The following GREB1 variants were observed in gnomAD, a reference collection of about 807,000 sequenced individuals.
GREB1 encodes growth regulating estrogen receptor binding 1, also known as protein GREB1.
Under a neutral mutation model 200.7 loss-of-function variants are expected in GREB1, and 106 were observed. The observed-to-expected ratio is 0.53, with a 90% CI of 0.45 to 0.62. The LOEUF (loss-of-function observed/expected upper bound fraction) is 0.62, where lower values mean the gene tolerates loss of function less well. Among genes scored for constraint, GREB1 ranks in the 20% least tolerant of loss-of-function variants. The pLI, the probability that GREB1 is intolerant of heterozygous loss-of-function variation, is 0.00. For synonymous variants in GREB1, 1,132 were observed against 1,092.4 expected (o/e 1.04, Z -0.72); for missense variants, 2,243 against 2,556.8 (o/e 0.88, Z 2.65).
rs1007665739 is a variant in GREB1, at chr2:11,552,671, A to G, written c.-161-3783A>G. 2.0e-5 allele frequency among the ~76,000 whole-genome samples: 3 copies of G among 152,292 alleles called. No individual in the cohort carries two copies. In the South Asian group the frequency reaches 6.2e-4, roughly 32 times the overall value. ...AAGATAGAGCACTGCCATGGTATCTAGAAAGTCCCCACACTGTTTGGTTGT... is the reference window on the plus strand; with the variant it reads ...AAGATAGAGCACTGCCATGGTATCTGGAAAGTCCCCACACTGTTTGGTTGT... On this transcript the variant is annotated intron_variant, in intron 1 of 32. Coordinates refer to ENST00000381486, the MANE Select transcript of GREB1 (RefSeq NM_014668.4).
intron 1 of GREB1, among the ~76,000 whole-genome samples, chr2:11,518,818 G>T (rs951278681): frequency 2.0e-5 from 3 of 151,684 alleles, no homozygotes; most frequent in African/African-American, 7.3e-5. Flanking sequence ...AAAAAATCCC[G>T]CCAGGCGAGG....
intron 10 of GREB1, chr2:11,591,340 G>A: frequency 1.4e-6 from 1 of 725,614 alleles, no homozygotes; most frequent in East Asian, 2.6e-5. Context: ...CTGGTGCTGG[G>A]TAGAGCTGGG....
Position 11,550,717 on chromosome 2 carries a change from G to A in GREB1, c.-161-5737G>A, listed in dbSNP as rs118084471. ...CTTTCCAAATCTAGCCCTACTTCTC[G>A]TCTGCTTTGAAAATGCTAACTTTTG... On this transcript the variant is annotated intron_variant, in intron 1 of 32. Coordinates refer to ENST00000381486, the MANE Select transcript of GREB1 (RefSeq NM_014668.4). Among the ~76,000 whole-genome samples the A allele has an allele frequency of 9.2e-3, 1,394 of 152,230 alleles. 69 individuals are homozygous for A. Among genetic ancestry groups the A allele is most frequent in the Admixed American group, 0.076 (1,155 of 15,288 alleles).
chr2:11,584,147 A>G (rs915435792), intron 7 of GREB1, among the ~76,000 whole-genome samples: 2 of 152,192 alleles, frequency 1.3e-5, no homozygotes, highest in Non-Finnish European at 2.9e-5. Context: ...TTGCATCCAG[A>G]CAGAGTTTTA....
At chr2:11,497,218 G>A (rs1477098854) in intron 1 of GREB1, among the ~76,000 whole-genome samples, 1 of 152,206 alleles carries the variant, frequency 6.6e-6, no homozygotes, top group Admixed American at 6.5e-5. Flanking sequence ...TATATAGTAT[G>A]TGACCTTTTG....
rs966154745 is a variant in GREB1 at position 11,610,746 on chromosome 2, G to A, written c.2725G>A (p.Ala909Thr). The A allele has an allele frequency of 6.2e-7, 1 of 1,613,408 alleles. No individual in the cohort carries two copies. The highest frequency in any genetic ancestry group is 8.5e-7 in the Non-Finnish European group (1 of 1,180,014). Residue 909 changes from alanine to threonine, a missense_variant, in exon 18 of 33, where the codon GCC (alanine) becomes ACC (threonine). Transcript: ENST00000381486. The stretch of plus-strand genomic sequence containing the variant: ...CTTTGTTCTCGTGCAGCACTACGCG[G>A]CCGCCCTGATGGCCGTAAGCGGCCT... ...RTFVLVQHYA[A>T]ALMAVSGLPQ...
chr2:11,523,002 A>G (rs1279433036), intron 1 of GREB1, among the ~76,000 whole-genome samples: 1 of 152,352 alleles, frequency 6.6e-6, no homozygotes, highest in South Asian at 2.1e-4. Context: ...GACAGGATGG[A>G]TAAAGACAGT....
chr2:11,624,467 C>T (rs1358711521), intron 23 of GREB1, among the ~76,000 whole-genome samples: 1 of 151,854 alleles, frequency 6.6e-6, no homozygotes, highest in Non-Finnish European at 1.5e-5. Context: ...GCCTCAGCCT[C>T]CCGAGTAGCT....
intron 27 of GREB1, 108 bp downstream of exon 27, chr2:11,632,221 T>A: frequency 3.9e-6 from 3 of 769,664 alleles, no homozygotes; most frequent in Non-Finnish European, 6.4e-6. Flanking sequence ...CTTTTACTTT[T>A]GGACTTTTAA....
intron 1 of GREB1, among the ~76,000 whole-genome samples, chr2:11,516,256 A>G (rs1158107095): frequency 1.3e-5 from 2 of 151,892 alleles, no homozygotes; most frequent in African/African-American, 4.8e-5. Flanking sequence ...AGACTTGGGT[A>G]TCTTTCACTG....
intron 5 of GREB1, among the ~76,000 whole-genome samples, chr2:11,577,378 G>A (rs988990521): frequency 1.3e-5 from 2 of 152,196 alleles, no homozygotes; most frequent in Admixed American, 6.5e-5. Context: ...AGACAGCTTG[G>A]CTTGAACAAT....
chr2:11,610,041 C>T (rs1323552514), intron 17 of GREB1, among the ~76,000 whole-genome samples: 1 of 152,182 alleles, frequency 6.6e-6, no homozygotes, highest in Non-Finnish European at 1.5e-5. Flanking sequence ...GGGTCAGAGC[C>T]ACTCTAGGAG....
intron 1 of GREB1, among the ~76,000 whole-genome samples, chr2:11,519,840 T>C (rs559897795): frequency 6.6e-6 from 1 of 152,270 alleles, no homozygotes; most frequent in South Asian, 2.1e-4. Context: ...TGTTCACCAT[T>C]AAAAAATTAA....
intron 1 of GREB1, among the ~76,000 whole-genome samples, chr2:11,483,777 G>T (rs1372557642): frequency 6.7e-6 from 1 of 149,630 alleles, no homozygotes; most frequent in Non-Finnish European, 1.5e-5. Flanking sequence ...TGGGAGAGCC[G>T]CCATTCATGC....
chr2:11,601,565 G>T (rs745757277), intron 16 of GREB1, among the ~76,000 whole-genome samples: 2 of 152,222 alleles, frequency 1.3e-5, no homozygotes, highest in Non-Finnish European at 2.9e-5. Context: ...AGTTACACAA[G>T]AATAAGTAAA....
rs1685777639 is a variant in GREB1 at position 11,641,118 on chromosome 2, T to G, written c.*664T>G. On this transcript the variant is annotated 3_prime_UTR_variant, in exon 33 of 33. Coordinates refer to ENST00000381486, the MANE Select transcript of GREB1 (RefSeq NM_014668.4). ...AAAGGGCAAAAATGCAAAGAAGCTTTCTTTAAAACTAAAAGGGTTTTTTGG... is the reference window on the plus strand; with the variant it reads ...AAAGGGCAAAAATGCAAAGAAGCTTGCTTTAAAACTAAAAGGGTTTTTTGG... 3 of 149,382 alleles carry G rather than the reference T, an allele frequency of 2.0e-5. No homozygotes were observed. 9.3% of individuals were successfully genotyped at this position (149,382 alleles called of 1,614,324 possible).
At chr2:11,589,750 G>A (rs1680541983) in intron 10 of GREB1, among the ~76,000 whole-genome samples, 1 of 152,226 alleles carries the variant, frequency 6.6e-6, no homozygotes, top group Non-Finnish European at 1.5e-5. Flanking sequence ...GGTGGCAGCA[G>A]TGAGCTGGAG....
chr2:11,512,434 C>G (rs1296746121), intron 1 of GREB1, among the ~76,000 whole-genome samples: 4 of 152,048 alleles, frequency 2.6e-5, no homozygotes, highest in Non-Finnish European at 5.9e-5. Flanking sequence ...TGTGCTATGC[C>G]CTGTGTATTT....
Position 11,559,971 on chromosome 2 carries a change from G to A in GREB1, c.158-2492G>A, listed in dbSNP as rs141398998. Among the ~76,000 whole-genome samples the A allele has an allele frequency of 5.8e-3, 890 of 152,258 alleles. 23 individuals are homozygous for A. The highest frequency in any genetic ancestry group is 0.037 in the East Asian group (190 of 5,180). On this transcript the variant is annotated intron_variant, in intron 2 of 32. Coordinates refer to ENST00000381486, the MANE Select transcript of GREB1 (RefSeq NM_014668.4). ...GTCACGCTTCCCACCTGCTGGAAAC[G>A]TTCAGCTTCTTCTGCCTCTTGTCCC...
Sources: allele counts gnomAD v4.1 joint callset (sites outside exome capture counted in the v4.1 genomes callset), GRCh38; gene constraint gnomAD v4.1.1; transcripts MANE v1.5; gene names NCBI Gene and HGNC (gene_info 2026-07-23, HGNC 2026-07-21).